NSMCE2: variants seen among roughly 807,000 people sequenced by gnomAD.
The protein encoded by NSMCE2 is NSE2 SUMO ligase component of SMC5/6 complex.
A neutral mutation model predicts 23.8 loss-of-function variants in NSMCE2; 24 were observed. The ratio of observed to expected loss-of-function variants is 1.01; its 90% CI spans 0.73 to 1.42. NSMCE2 has a LOEUF of 1.42. Among genes scored for constraint, NSMCE2 ranks in the 40% most tolerant of loss-of-function variants. The pLI, the probability that NSMCE2 is intolerant of heterozygous loss-of-function variation, is 0.00. For missense variants in NSMCE2, 284 were observed against 296.5 expected (o/e 0.96, Z 0.31); for synonymous variants, 92 against 94.1 (o/e 0.98, Z 0.13).
intron 5 of NSMCE2, among the ~76,000 whole-genome samples, chr8:125,226,156 T>C (rs1033583832): frequency 1.3e-5 from 2 of 152,230 alleles, no homozygotes; most frequent in African/African-American, 2.4e-5. Context: ...TAAACTGACA[T>C]TGGGCACCAA....
At chr8:125,259,569 GC>G (rs1826596110) in intron 5 of NSMCE2, among the ~76,000 whole-genome samples, 1 of 152,194 alleles carries the variant, frequency 6.6e-6, no homozygotes, top group South Asian at 2.1e-4. Context: ...CATGAAACCG[GC>G]CCCTGGCACC....
intron 4 of NSMCE2, among the ~76,000 whole-genome samples, chr8:125,157,820 T>C (rs903230664): frequency 6.6e-6 from 1 of 152,178 alleles, no homozygotes; most frequent in African/African-American, 2.4e-5. Context: ...TACTGGGCCT[T>C]AATGTGCCTC....
chr8:125,108,629 A>C (rs1818584739), intron 3 of NSMCE2, among the ~76,000 whole-genome samples: 2 of 152,222 alleles, frequency 1.3e-5, no homozygotes, highest in Non-Finnish European at 2.9e-5. Context: ...TGTTAATTCA[A>C]TAGCTATCAT....
intron 5 of NSMCE2, among the ~76,000 whole-genome samples, chr8:125,240,174 GGA>G (rs572637119): frequency 3.0e-4 from 45 of 149,326 alleles, no homozygotes; most frequent in Admixed American, 7.4e-4. Flanking sequence ...CTCCCAGGCT[GGA>G]GTGCAGTGGC....
intron 5 of NSMCE2, among the ~76,000 whole-genome samples, chr8:125,207,895 G>C (rs574553432): frequency 4.6e-5 from 7 of 152,218 alleles, no homozygotes; most frequent in Middle Eastern, 3.2e-3. Flanking sequence ...CGGAGCTGAA[G>C]AGCTCTTGAG....
At chr8:125,238,327 T>A (rs1825638304) in intron 5 of NSMCE2, among the ~76,000 whole-genome samples, 1 of 152,184 alleles carries the variant, frequency 6.6e-6, no homozygotes, top group African/African-American at 2.4e-5. Context: ...GGTTTCAAGT[T>A]CCATGTAAGT....
intron 5 of NSMCE2, among the ~76,000 whole-genome samples, chr8:125,276,294 C>T (rs1311830883): frequency 6.6e-6 from 1 of 152,170 alleles, no homozygotes; most frequent in Non-Finnish European, 1.5e-5. Flanking sequence ...AAATCTGTTT[C>T]CCACTCTGAT....
chr8:125,299,487 C>T (rs1288514091), intron 5 of NSMCE2, among the ~76,000 whole-genome samples: 3 of 152,074 alleles, frequency 2.0e-5, no homozygotes, highest in Non-Finnish European at 2.9e-5. Flanking sequence ...ACTTTTAAAC[C>T]ATCAGATCTC....
intron 5 of NSMCE2, among the ~76,000 whole-genome samples, chr8:125,320,461 G>A (rs1829408643): frequency 1.3e-5 from 2 of 152,024 alleles, no homozygotes; most frequent in Admixed American, 1.3e-4. Context: ...TGTTTAAAAT[G>A]AGTGATAAAG....
intron 7 of NSMCE2, chr8:125,362,951 C>T (rs1296481938): frequency 2.0e-5 from 3 of 152,010 alleles, no homozygotes; most frequent in Non-Finnish European, 4.4e-5. Context: ...CTCCCCACCT[C>T]ACTCTCCACT....
At chr8:125,180,543 GA>G (rs1822754970) in intron 4 of NSMCE2, among the ~76,000 whole-genome samples, 1 of 152,168 alleles carries the variant, frequency 6.6e-6, no homozygotes, top group Non-Finnish European at 1.5e-5. Context: ...ATAATCTTTT[GA>G]ATTCATATGC....
At chr8:125,144,416 G>A (rs2130641633) in intron 3 of NSMCE2, among the ~76,000 whole-genome samples, 1 of 152,316 alleles carries the variant, frequency 6.6e-6, no homozygotes, top group South Asian at 2.1e-4. Context: ...CCTATCTGCT[G>A]TTGCTTTTTA....
chr8:125,283,852 G>A (rs1827787310), intron 5 of NSMCE2, among the ~76,000 whole-genome samples: 1 of 151,932 alleles, frequency 6.6e-6, no homozygotes, highest in Non-Finnish European at 1.5e-5. Flanking sequence ...ACTATTACTG[G>A]CTTTAGAATG....
chr8:125,204,094 G>A (rs1043781938), intron 5 of NSMCE2, among the ~76,000 whole-genome samples: 2 of 152,062 alleles, frequency 1.3e-5, no homozygotes, highest in Admixed American at 1.3e-4. Flanking sequence ...GTATATATTT[G>A]GGAAGTGAAT....
chr8:125,332,891 G>A (rs1829928923), intron 5 of NSMCE2, among the ~76,000 whole-genome samples: 1 of 152,300 alleles, frequency 6.6e-6, no homozygotes, highest in South Asian at 2.1e-4. Context: ...CCTGAATGTG[G>A]TAAGCTACCC....
chr8:125,305,696 G>A (rs148991640), intron 5 of NSMCE2, among the ~76,000 whole-genome samples: 27 of 152,278 alleles, frequency 1.8e-4, no homozygotes, highest in Middle Eastern at 6.8e-3. Context: ...TTAGAAACTC[G>A]TATACCTGCA....
intron 5 of NSMCE2, among the ~76,000 whole-genome samples, chr8:125,354,943 G>A (rs1042443525): frequency 3.3e-5 from 5 of 152,130 alleles, no homozygotes; most frequent in African/African-American, 1.2e-4. Flanking sequence ...CTGGCCTCAT[G>A]CAACAAGTAC....
chr8:125,251,013 G>A (rs997290917), intron 5 of NSMCE2, among the ~76,000 whole-genome samples: 10 of 152,152 alleles, frequency 6.6e-5, no homozygotes, highest in Admixed American at 3.3e-4. Context: ...ATGATATGCC[G>A]TGCAGAAAAA....
chr8:125,320,673 TAAAG>T (rs1170310827), intron 5 of NSMCE2, among the ~76,000 whole-genome samples: 2 of 151,952 alleles, frequency 1.3e-5, no homozygotes, highest in African/African-American at 4.8e-5. Context: ...AGGTGAGACA[TAAAG>T]ATTTTTTCAG....
Sources: gnomAD v4.1 joint callset for allele counts (sites outside exome capture counted in the v4.1 genomes callset) on GRCh38, gnomAD v4.1.1 for gene constraint, MANE v1.5 for transcripts, NCBI Gene and HGNC (gene_info 2026-07-23, HGNC 2026-07-21) for gene names.